CBFA2T3: variants seen among roughly 807,000 people sequenced by gnomAD.
CBFA2T3 encodes the protein transcriptional corepressor CBFA2T3.
Under a neutral mutation model 58.6 loss-of-function variants are expected in CBFA2T3, and 31 were observed. The ratio of observed to expected loss-of-function variants is 0.53; its 90% confidence interval spans 0.40 to 0.71. CBFA2T3 has a LOEUF of 0.71. Ranked by LOEUF, CBFA2T3 falls within the 30% of genes least tolerant of loss-of-function variation. CBFA2T3 has a pLI of 0.00. For missense variants in CBFA2T3, 1,076 were observed against 963.1 expected (o/e 1.12, Z -1.55); for synonymous variants, 531 against 421.9 (o/e 1.26, Z -3.17).
chr16:88,923,059 T>C (rs1461320262), intron 1 of CBFA2T3, among the ~76,000 whole-genome samples: 1 of 152,206 alleles, frequency 6.6e-6, no homozygotes, highest in African/African-American at 2.4e-5. Context: ...CCCAGCTGCC[T>C]GCTCCCACCA....
chr16:88,926,518 G>T (rs1037976534), intron 1 of CBFA2T3, among the ~76,000 whole-genome samples: 1 of 152,184 alleles, frequency 6.6e-6, no homozygotes, highest in Non-Finnish European at 1.5e-5. Flanking sequence ...TCACCAGGCC[G>T]GAGTCTCAGG....
intron 1 of CBFA2T3, among the ~76,000 whole-genome samples, chr16:88,949,513 C>T (rs570290064): frequency 6.8e-6 from 1 of 147,630 alleles, no homozygotes; most frequent in Non-Finnish European, 1.5e-5. Context: ...GAGCTGAAAT[C>T]GAGTCACCTG....
intron 7 of CBFA2T3, chr16:88,883,659 G>A (rs929568542): frequency 2.0e-5 from 3 of 151,662 alleles, no homozygotes; most frequent in Admixed American, 1.3e-4. Flanking sequence ...ACTCTTCTGC[G>A]GTGGCTGCGC....
intron 1 of CBFA2T3, among the ~76,000 whole-genome samples, chr16:88,951,741 G>A (rs1972079047): frequency 6.6e-6 from 1 of 152,172 alleles, no homozygotes; most frequent in African/African-American, 2.4e-5. Flanking sequence ...TCCTTCCCTG[G>A]GAGTTTTTGA....
chr16:88,954,684 G>A (rs567096787), intron 1 of CBFA2T3, among the ~76,000 whole-genome samples: 6 of 18,704 alleles, frequency 3.2e-4, no homozygotes, highest in Admixed American at 1.5e-3. Flanking sequence ...TCCTGACCCC[G>A]CCCAAGGCTC....
chr16:88,951,569 C>T lies in CBFA2T3; in HGVS notation c.151+25088G>A, dbSNP rs147131689. The T allele has an allele frequency of 1.1e-3, 411 of 365,862 alleles. 5 individuals are homozygous for T. In the East Asian group the frequency reaches 0.027, roughly 24 times the overall value. 22.7% of individuals were successfully genotyped at this position (365,862 alleles called of 1,614,324 possible). On this transcript the variant is annotated intron_variant, in intron 1 of 11. Coordinates refer to ENST00000268679, the MANE Select transcript of CBFA2T3 (RefSeq NM_005187.6). Reference sequence around the variant, plus strand: ...GGGTGGCGACCGGGTTGCTGCCATTCCCTCCCCTCGGGTCTGTGGCTTCTC... The same window carrying T: ...GGGTGGCGACCGGGTTGCTGCCATTTCCTCCCCTCGGGTCTGTGGCTTCTC...
chr16:88,881,070 C>T (rs1484942620), intron 9 of CBFA2T3: 2 of 709,208 alleles, frequency 2.8e-6, no homozygotes, highest in East Asian at 2.7e-5. Flanking sequence ...CAGAGACCCT[C>T]AGGGCCTCCC....
intron 1 of CBFA2T3, among the ~76,000 whole-genome samples, chr16:88,931,508 C>G (rs1376657753): frequency 6.6e-6 from 1 of 152,052 alleles, no homozygotes; most frequent in Non-Finnish European, 1.5e-5. Context: ...CAAGGACGAG[C>G]CAGAGGTGGA....
intron 1 of CBFA2T3, among the ~76,000 whole-genome samples, chr16:88,905,730 AGGGGCGGG>A (rs1567597504): frequency 0.062 from 787 of 12,628 alleles, 20 homozygotes; most frequent in African/African-American, 0.18. Context: ...GGGCTGAAGG[AGGGGCGGG>A]ACTGGAGGGG....
In CBFA2T3 at chr16:88,916,906, G is replaced by A. The variant is rs114553941; in HGVS notation, c.152-15250C>T. 3.8e-3 allele frequency among the ~76,000 whole-genome samples: 583 copies of A among 151,734 alleles called. 5 individuals carry two copies. The highest frequency in any genetic ancestry group is 0.013 in the African/African-American group (542 of 41,284). ...CAGAGGGGAGGGCAGGGTCTCGAAC[G>A]TTGTATCAGTTACTAGACGGGCGCA... On this transcript the variant is annotated intron_variant, in intron 1 of 11. Transcript: ENST00000268679.
At chr16:88,962,807 C>T (rs975090340) in intron 1 of CBFA2T3, among the ~76,000 whole-genome samples, 15 of 152,220 alleles carry the variant, frequency 9.9e-5, no homozygotes, top group African/African-American at 3.4e-4. Flanking sequence ...CGTCTGTGCC[C>T]CGAACCCTGG....
intron 1 of CBFA2T3, chr16:88,902,354 T>G (rs908023285): frequency 6.6e-6 from 1 of 152,172 alleles, no homozygotes; most frequent in Non-Finnish European, 1.5e-5. Context: ...CTGGCTGCGC[T>G]GGGCGCAGCC....
At chr16:88,914,328 G>A (rs1173377190) in intron 1 of CBFA2T3, among the ~76,000 whole-genome samples, 1 of 152,244 alleles carries the variant, frequency 6.6e-6, no homozygotes, top group Non-Finnish European at 1.5e-5. Flanking sequence ...GAAAACGTTT[G>A]TCAGGCCCAT....
At chr16:88,927,565 C>T (rs1971123912) in intron 1 of CBFA2T3, among the ~76,000 whole-genome samples, 1 of 152,120 alleles carries the variant, frequency 6.6e-6, no homozygotes, top group Non-Finnish European at 1.5e-5. Flanking sequence ...GCCATGGGGG[C>T]CACGCCACCC....
chr16:88,906,227 CAG>C (rs1970328217), intron 1 of CBFA2T3, among the ~76,000 whole-genome samples: 1 of 152,290 alleles, frequency 6.6e-6, no homozygotes, highest in South Asian at 2.1e-4. Context: ...CACCGCTAGA[CAG>C]GGGCAGCCTC....
At position 88,885,617 on chromosome 16, in the gene CBFA2T3, C is replaced by T. The variant is rs1016140819; in HGVS notation, c.893+344G>A. ...CCCTTGGGCAGCAGCAGCACAAGAG[C>T]GTCTGGGGCAGCAGAGGGGGCCCAG... On this transcript the variant is annotated intron_variant, in intron 6 of 11. Coordinates refer to ENST00000268679, the MANE Select transcript of CBFA2T3 (RefSeq NM_005187.6). The surrounding 1 kb of genome is among the most constrained non-coding windows in gnomAD (Gnocchi z 5.3). The T allele has an allele frequency of 7.5e-5, 31 of 415,450 alleles. No homozygotes were observed. The highest frequency in any genetic ancestry group is 6.1e-4 in the Middle Eastern group (1 of 1,634). 25.7% of individuals were successfully genotyped at this position (415,450 alleles called of 1,614,324 possible).
intron 1 of CBFA2T3, among the ~76,000 whole-genome samples, chr16:88,912,442 C>T (rs555191): frequency 0.3 from 46,337 of 152,146 alleles, 7,216 homozygotes; most frequent in Middle Eastern, 0.41. Flanking sequence ...TTGGCTCCTA[C>T]TGGAATACTT....
At chr16:88,918,466 G>A (rs545775471) in intron 1 of CBFA2T3, among the ~76,000 whole-genome samples, 4 of 152,210 alleles carry the variant, frequency 2.6e-5, no homozygotes, top group South Asian at 2.1e-4. Context: ...GGAGGCCTTC[G>A]CCACTCTCAC....
At chr16:88,926,396 C>T (rs541090492) in intron 1 of CBFA2T3, among the ~76,000 whole-genome samples, 1 of 152,332 alleles carries the variant, frequency 6.6e-6, no homozygotes, top group African/African-American at 2.4e-5. Context: ...GGCTGGGGGG[C>T]GTCTGTCCCA....
Sources: gnomAD v4.1 joint callset for allele counts (sites outside exome capture counted in the v4.1 genomes callset) on GRCh38, gnomAD v4.1.1 for gene constraint, Gnocchi (gnomAD v3.1) non-coding constraint, MANE v1.5 for transcripts, NCBI Gene and HGNC (gene_info 2026-07-23, HGNC 2026-07-21) for gene names.